MGAT4C: variants seen among roughly 807,000 people sequenced by gnomAD.
MGAT4C encodes the protein alpha-1,3-mannosyl-glycoprotein 4-beta-N-acetylglucosaminyltransferase C.
MGAT4C carries 19 observed loss-of-function variants against 40.1 expected under a neutral mutation model. The ratio of observed to expected loss-of-function variants is 0.47; its 90% CI spans 0.33 to 0.70. MGAT4C has a LOEUF of 0.70. MGAT4C is among the 30% of genes least tolerant of loss of function. MGAT4C has a pLI of 0.02. For synonymous variants in MGAT4C, 181 were observed against 187.1 expected, an observed-to-expected ratio of 0.97 and a Z score of 0.27; for missense variants, 491 against 563.2, an observed-to-expected ratio of 0.87 and a Z score of 1.30.
At chr12:86,804,527 T>C (rs1430888847) in intron 1 of MGAT4C, among the ~76,000 whole-genome samples, 2 of 151,952 alleles carry the variant, frequency 1.3e-5, no homozygotes, top group Admixed American at 6.6e-5. Flanking sequence ...TATTTCTCAT[T>C]ATAAGTGCTA....
At chr12:86,667,926 ATTGT>A (rs1459726477) in intron 2 of MGAT4C, among the ~76,000 whole-genome samples, 2 of 152,326 alleles carry the variant, frequency 1.3e-5, no homozygotes, top group East Asian at 1.9e-4. Flanking sequence ...AGCAAGGTTG[ATTGT>A]TTGCACATGG....
At chr12:86,269,987 G>T (rs10776954) in intron 4 of MGAT4C, among the ~76,000 whole-genome samples, 65 of 152,184 alleles carry the variant, frequency 4.3e-4, no homozygotes, top group Non-Finnish European at 6.0e-4. Context: ...TGTTGTACAA[G>T]CATCACCATC....
intron 2 of MGAT4C, among the ~76,000 whole-genome samples, chr12:86,437,036 A>C (rs1957149773): frequency 6.6e-6 from 1 of 151,708 alleles, no homozygotes; most frequent in African/African-American, 2.4e-5. Flanking sequence ...TTAGCCCAAG[A>C]TATAAATTTG....
rs563612308 is a variant in MGAT4C at position 86,306,620 on chromosome 12, T to C, written c.-57+27445A>G. 2.7e-5 allele frequency among the ~76,000 whole-genome samples: 4 copies of C among 150,592 alleles called. 1 individual carries two copies. The highest frequency in any genetic ancestry group is 3.9e-4 in the East Asian group (2 of 5,128). On this transcript the variant is annotated intron_variant, in intron 4 of 7. Transcript: ENST00000548651. The stretch of plus-strand genomic sequence containing the variant: ...AGCATGTTTTGTACCTTGACAGGTG[T>C]TGGATTGAACAGGCATATGCAATTG...
rs570322369 is a variant in MGAT4C at position 86,164,722 on chromosome 12, C to A, written c.-57+91517G>T. Among the ~76,000 whole-genome samples the A allele has an allele frequency of 7.2e-5, 11 of 152,052 alleles. No individual in the cohort carries two copies. The South Asian group carries it at 2.3e-3, about 32-fold the overall frequency. On this transcript the variant is annotated intron_variant, in intron 1 of 4. Transcript: ENST00000611864. ...CATTTGTTTGATGGGCCACAGAGCA[C>A]GGTACCCTTGGGGATTTGAAAAAAA...
intron 1 of MGAT4C, among the ~76,000 whole-genome samples, chr12:86,772,482 C>T (rs563986602): frequency 6.6e-6 from 1 of 152,270 alleles, no homozygotes; most frequent in East Asian, 1.9e-4. Context: ...ATTTCTGCCA[C>T]TACAACAGGC....
At chr12:86,588,066 T>C (rs1367080648) in intron 2 of MGAT4C, among the ~76,000 whole-genome samples, 2 of 151,942 alleles carry the variant, frequency 1.3e-5, no homozygotes, top group Admixed American at 6.6e-5. Flanking sequence ...GCCCATTCAG[T>C]ATGATATTGG....
chr12:86,730,559 G>C (rs1027364070), intron 1 of MGAT4C, among the ~76,000 whole-genome samples: 6 of 151,982 alleles, frequency 3.9e-5, no homozygotes, highest in Admixed American at 3.9e-4. Flanking sequence ...GTGTCTCTGT[G>C]CAAATATGTG....
chr12:86,553,424 G>T (rs541723443), intron 2 of MGAT4C, among the ~76,000 whole-genome samples: 29 of 150,680 alleles, frequency 1.9e-4, no homozygotes, highest in Non-Finnish European at 8.9e-5. Flanking sequence ...AATCAATAAA[G>T]CTTCACAATA....
chr12:86,040,876 C>T (rs373304277), intron 2 of MGAT4C, among the ~76,000 whole-genome samples: 1 of 152,144 alleles, frequency 6.6e-6, no homozygotes, highest in African/African-American at 2.4e-5. Flanking sequence ...TGGGAAAGCA[C>T]AGTATCTGGG....
At chr12:86,402,270 C>T (rs1265590636) in intron 3 of MGAT4C, among the ~76,000 whole-genome samples, 2 of 151,864 alleles carry the variant, frequency 1.3e-5, no homozygotes, top group East Asian at 3.9e-4. Context: ...ACTAAAAATA[C>T]AAAAACTAGC....
chr12:86,475,361 A>G (rs2136307585), intron 2 of MGAT4C, among the ~76,000 whole-genome samples: 1 of 152,178 alleles, frequency 6.6e-6, no homozygotes, highest in East Asian at 1.9e-4. Context: ...ATACTGGAAA[A>G]ATAATTGACA....
intron 2 of MGAT4C, among the ~76,000 whole-genome samples, chr12:86,460,159 G>A (rs1957576633): frequency 6.6e-6 from 1 of 152,058 alleles, no homozygotes; most frequent in South Asian, 2.1e-4. Flanking sequence ...TACAGCCTGA[G>A]CAACATACTG....
At chr12:86,395,282 T>C (rs1956239649) in intron 3 of MGAT4C, among the ~76,000 whole-genome samples, 1 of 152,160 alleles carries the variant, frequency 6.6e-6, no homozygotes, top group African/African-American at 2.4e-5. Flanking sequence ...TCCTTTGCAT[T>C]ATACAGAGGT....
At chr12:86,813,615 T>C (rs1952521292) in intron 1 of MGAT4C, among the ~76,000 whole-genome samples, 1 of 152,098 alleles carries the variant, frequency 6.6e-6, no homozygotes, top group African/African-American at 2.4e-5. Context: ...CCATAATAAT[T>C]CATTTTTAAT....
intron 1 of MGAT4C, among the ~76,000 whole-genome samples, chr12:86,777,873 A>G (rs1470906681): frequency 6.6e-6 from 1 of 152,310 alleles, no homozygotes; most frequent in Non-Finnish European, 1.5e-5. Context: ...TCCATCTCCT[A>G]TATATACGCA....
intron 1 of MGAT4C, among the ~76,000 whole-genome samples, chr12:86,124,974 C>T (rs577296519): frequency 3.9e-5 from 6 of 152,204 alleles, no homozygotes; most frequent in African/African-American, 1.4e-4. Context: ...GAATATAGGA[C>T]GCTACAAAAG....
At chr12:86,700,188 G>A (rs1434121379) in intron 2 of MGAT4C, among the ~76,000 whole-genome samples, 1 of 137,346 alleles carries the variant, frequency 7.3e-6, no homozygotes, top group Non-Finnish European at 1.6e-5. Flanking sequence ...CAGATAGATA[G>A]ATAGATAGAT....
At chr12:86,503,940 C>T (rs201825187) in intron 2 of MGAT4C, among the ~76,000 whole-genome samples, 27 of 150,438 alleles carry the variant, frequency 1.8e-4, no homozygotes, top group African/African-American at 6.3e-4. Context: ...AAACAACTTA[C>T]GTTTAAAACC....
Sources: allele counts gnomAD v4.1 joint callset (sites outside exome capture counted in the v4.1 genomes callset), GRCh38; gene constraint gnomAD v4.1.1; transcripts MANE v1.5; gene names NCBI Gene and HGNC (gene_info 2026-07-23, HGNC 2026-07-21).